The following TSHZ2 variants were observed in gnomAD, a reference collection of about 807,000 sequenced individuals.
TSHZ2 encodes the protein teashirt homolog 2.
A neutral mutation model predicts 74.4 loss-of-function variants in TSHZ2; 21 were observed. The ratio of observed to expected loss-of-function variants is 0.28; its 90% CI spans 0.20 to 0.41. The LOEUF (loss-of-function observed/expected upper bound fraction) is 0.41. TSHZ2 is among the 10% of genes least tolerant of loss of function. The probability of loss-of-function intolerance (pLI) is 1.00; values close to 1 mark genes in which losing one functional copy is unlikely to be tolerated. For missense variants in TSHZ2, 1,244 were observed against 1,293.5 expected (o/e 0.96, Z 0.59); for synonymous variants, 540 against 515.3 (o/e 1.05, Z -0.65).
intron 1 of TSHZ2, among the ~76,000 whole-genome samples, chr20:52,986,353 G>A (rs1019706431): frequency 1.6e-4 from 23 of 146,980 alleles, no homozygotes; most frequent in African/African-American, 5.6e-4. Flanking sequence ...AGTGAGAGCC[G>A]AGATTATGCC....
At chr20:53,150,091 C>A (rs921313144) in intron 1 of TSHZ2, among the ~76,000 whole-genome samples, 1 of 152,204 alleles carries the variant, frequency 6.6e-6, no homozygotes, top group African/African-American at 2.4e-5. Context: ...TCACTGTAAT[C>A]TTCATAGCAA....
intron 2 of TSHZ2, among the ~76,000 whole-genome samples, chr20:53,312,204 C>T (rs1397916336): frequency 6.6e-6 from 1 of 152,130 alleles, no homozygotes; most frequent in Non-Finnish European, 1.5e-5. Context: ...GATATATAAG[C>T]ACATAAGGAC....
intron 1 of TSHZ2, among the ~76,000 whole-genome samples, chr20:53,167,090 A>T (rs539313849): frequency 6.6e-6 from 1 of 152,236 alleles, no homozygotes; most frequent in African/African-American, 2.4e-5. Context: ...AGCAGCAGGT[A>T]CAAAGGTCCT....
chr20:53,317,576 T>C (rs1218227393), intron 2 of TSHZ2, among the ~76,000 whole-genome samples: 1 of 152,168 alleles, frequency 6.6e-6, no homozygotes, highest in Non-Finnish European at 1.5e-5. Flanking sequence ...GAAAAAGTAC[T>C]TTTGCAGCTC....
intron 1 of TSHZ2, among the ~76,000 whole-genome samples, chr20:53,086,203 T>C (rs1985694569): frequency 6.6e-6 from 1 of 152,140 alleles, no homozygotes. Flanking sequence ...ACAACAAAAA[T>C]GTCTAAGGAG....
chr20:53,125,650 C>A (rs556711769), intron 1 of TSHZ2, among the ~76,000 whole-genome samples: 2 of 152,014 alleles, frequency 1.3e-5, no homozygotes, highest in Admixed American at 1.3e-4. Context: ...ACCTGTGGAC[C>A]CCTTTTCAGA....
intron 1 of TSHZ2, among the ~76,000 whole-genome samples, chr20:53,114,065 G>C (rs1258999550): frequency 2.0e-5 from 3 of 148,214 alleles, no homozygotes; most frequent in African/African-American, 5.0e-5. Context: ...CCACATTTCA[G>C]CCTGGGTAAT....
chr20:53,057,788 G>A (rs775606862), intron 1 of TSHZ2, among the ~76,000 whole-genome samples: 8 of 152,178 alleles, frequency 5.3e-5, no homozygotes, highest in East Asian at 1.9e-4. Context: ...AGGGAGTGAG[G>A]TGCAGGTAAG....
chr20:53,432,243 G>C (rs1410542569), intron 2 of TSHZ2, among the ~76,000 whole-genome samples: 6 of 152,098 alleles, frequency 3.9e-5, no homozygotes, highest in Non-Finnish European at 5.9e-5. Context: ...TTCCATTCCT[G>C]AGTTACTTTA....
At chr20:53,211,002 C>A (rs796191349) in intron 1 of TSHZ2, among the ~76,000 whole-genome samples, 4 of 152,132 alleles carry the variant, frequency 2.6e-5, no homozygotes, top group African/African-American at 9.6e-5. Context: ...AGAGAAAAAA[C>A]AAATGGATAA....
At chr20:53,127,522 G>A (rs925080791) in intron 1 of TSHZ2, among the ~76,000 whole-genome samples, 2 of 152,144 alleles carry the variant, frequency 1.3e-5, no homozygotes, top group East Asian at 1.9e-4. Flanking sequence ...CCTAGGCAAC[G>A]TATTGAGACC....
chr20:53,314,914 A>G (rs1978938107), intron 2 of TSHZ2, among the ~76,000 whole-genome samples: 1 of 152,002 alleles, frequency 6.6e-6, no homozygotes, highest in African/African-American at 2.4e-5. Flanking sequence ...GAGCCACCAC[A>G]CCCGGCCTAG....
At chr20:53,210,311 C>G (rs1215376666) in intron 1 of TSHZ2, among the ~76,000 whole-genome samples, 1 of 152,174 alleles carries the variant, frequency 6.6e-6, no homozygotes, top group Non-Finnish European at 1.5e-5. Flanking sequence ...GTATCCCAAG[C>G]TTTTGCCCAG....
At chr20:52,994,822 C>T (rs150014376) in intron 1 of TSHZ2, among the ~76,000 whole-genome samples, 1 of 152,260 alleles carries the variant, frequency 6.6e-6, no homozygotes, top group Non-Finnish European at 1.5e-5. Flanking sequence ...TGTTTTGCTC[C>T]TGGAAACTGT....
intron 1 of TSHZ2, among the ~76,000 whole-genome samples, chr20:52,980,501 A>T (rs1376570078): frequency 6.6e-6 from 1 of 152,172 alleles, no homozygotes; most frequent in Non-Finnish European, 1.5e-5. Context: ...TAATTACTTG[A>T]GTGCTTTCAG....
At chr20:53,308,268 C>T (rs1286323874) in intron 2 of TSHZ2, among the ~76,000 whole-genome samples, 1 of 152,194 alleles carries the variant, frequency 6.6e-6, no homozygotes, top group African/African-American at 2.4e-5. Context: ...TCTCTGCTTT[C>T]TTTCTTTGAC....
intron 2 of TSHZ2, among the ~76,000 whole-genome samples, chr20:53,332,113 C>T (rs1979748890): frequency 6.6e-6 from 1 of 152,172 alleles, no homozygotes. Context: ...GCGCACCCCA[C>T]TGAAGATTCT....
chr20:53,191,336 T>C (rs1479877176), intron 1 of TSHZ2, among the ~76,000 whole-genome samples: 1 of 152,212 alleles, frequency 6.6e-6, no homozygotes, highest in Admixed American at 6.5e-5. Flanking sequence ...TCCATGAATA[T>C]CCATTACATA....
intron 2 of TSHZ2, among the ~76,000 whole-genome samples, chr20:53,282,622 CAT>C: frequency 6.6e-6 from 1 of 152,338 alleles, no homozygotes. Flanking sequence ...AGGTCTGTAA[CAT>C]ACTGAGGGTG....
Sources: gnomAD v4.1 joint callset for allele counts (sites outside exome capture counted in the v4.1 genomes callset) on GRCh38, gnomAD v4.1.1 for gene constraint, MANE v1.5 for transcripts, NCBI Gene and HGNC (gene_info 2026-07-23, HGNC 2026-07-21) for gene names.